The following ZNF652 variants were observed in gnomAD, a reference collection of about 807,000 sequenced individuals.
ZNF652 encodes zinc finger protein 652.
A neutral mutation model predicts 45.2 loss-of-function variants in ZNF652; 16 were observed. The ratio of observed to expected loss-of-function variants is 0.35; its 90% CI spans 0.24 to 0.54. The LOEUF (loss-of-function observed/expected upper bound fraction) is 0.54, where lower values mean the gene tolerates loss of function less well. Among genes scored for constraint, ZNF652 ranks in the 20% least tolerant of loss-of-function variants. The probability of loss-of-function intolerance (pLI) is 0.91; values close to 1 mark genes in which losing one functional copy is unlikely to be tolerated. For synonymous variants in ZNF652, 250 were observed against 260.6 expected (o/e 0.96, Z 0.39); for missense variants, 614 against 765.6 (o/e 0.80, Z 2.34).
intron 2 of ZNF652, among the ~76,000 whole-genome samples, chr17:49,316,609 GT>G (rs2069807926): frequency 6.6e-6 from 1 of 152,184 alleles, no homozygotes; most frequent in Non-Finnish European, 1.5e-5. Flanking sequence ...CCCCCTTCCA[GT>G]GTGCCTGGGT....
At chr17:49,323,989 G>GCC (rs113056652) in intron 1 of ZNF652, among the ~76,000 whole-genome samples, 215 of 152,270 alleles carry the variant, frequency 1.4e-3, no homozygotes, top group African/African-American at 5.0e-3. Flanking sequence ...AGCTACATTA[G>GCC]CCCCTAGCAA....
At chr17:49,336,025 CT>C (rs57525059) in intron 1 of ZNF652, among the ~76,000 whole-genome samples, 85 of 146,538 alleles carry the variant, frequency 5.8e-4, no homozygotes, top group Non-Finnish European at 5.7e-4. Context: ...GTTACCTTTA[CT>C]TTTTTTTTTT....
At chr17:49,338,315 T>C (rs577820006) in intron 1 of ZNF652, among the ~76,000 whole-genome samples, 1 of 152,232 alleles carries the variant, frequency 6.6e-6, no homozygotes, top group South Asian at 2.1e-4. Context: ...AGCATAAGAA[T>C]GAGAACCAAC....
At chr17:49,347,996 T>C (rs2070224780) in intron 1 of ZNF652, among the ~76,000 whole-genome samples, 1 of 152,036 alleles carries the variant, frequency 6.6e-6, no homozygotes, top group Admixed American at 6.6e-5. Flanking sequence ...TCCACCCGCC[T>C]TGGCCTCCCA....
Position 49,311,394 on chromosome 17 carries a change from C to T in ZNF652, c.1227G>A (p.Gly409=). The T allele has an allele frequency of 6.2e-7, 1 of 1,614,154 alleles. No individual in the cohort carries two copies. The highest frequency in any genetic ancestry group is 8.5e-7 in the Non-Finnish European group (1 of 1,180,016). ...ACCACTGGCACATGAACTGTTTGTG[C>T]CCAATATGAATGCTCATGTGGGAGC... The part of the protein sequence containing the change: ...QLRSHMSIHI[G]HKQFMCQWCG... Residue 409 remains glycine, a synonymous_variant, in exon 5 of 6, where the codon GGG becomes GGA. Transcript: ENST00000430262.
At chr17:49,362,324 C>T (rs1235980804), upstream of ZNF652, 1 of 151,578 alleles carries the variant, frequency 6.6e-6, no homozygotes, top group Non-Finnish European at 1.5e-5. Flanking sequence ...AACGGGGATC[C>T]CGACACCTCC....
intron 2 of ZNF652, among the ~76,000 whole-genome samples, chr17:49,313,972 TCAAAAAAAAAAAAAA>T (rs2069757009): frequency 1.3e-4 from 1 of 7,886 alleles, no homozygotes; most frequent in Non-Finnish European, 2.2e-4. Context: ...AAACTCCATC[TCAAAAAAAAAAAAAA>T]AAAAAAAAAA....
At chr17:49,306,250 G>A (rs1567916145) in intron 5 of ZNF652, among the ~76,000 whole-genome samples, 2 of 152,150 alleles carry the variant, frequency 1.3e-5, no homozygotes, top group Non-Finnish European at 2.9e-5. Flanking sequence ...GTCAAACACT[G>A]TAATGGAAAG....
In ZNF652 at chr17:49,296,335, A is replaced by T. The variant is rs1428439439; in HGVS notation, c.*2078T>A. 3 of 152,646 alleles carry T rather than the reference A, an allele frequency of 2.0e-5. No homozygotes were observed. Among genetic ancestry groups the T allele is most frequent in the Non-Finnish European group, 4.4e-5 (3 of 68,038 alleles). 9.5% of individuals were successfully genotyped at this position (152,646 alleles called of 1,614,324 possible). On this transcript the variant is annotated 3_prime_UTR_variant, in exon 6 of 6. Transcript: ENST00000430262. ...ATATAAGACAGGCAAAATCAGAAGG[A>T]GAAAATTTAGAAACACTAAACCAAA...
Position 49,317,017 on chromosome 17 carries a change from C to G in ZNF652, c.709G>C (p.Ala237Pro). 3.7e-6 allele frequency: 6 copies of G among 1,614,166 alleles called. No individual in the cohort carries two copies. The highest frequency in any genetic ancestry group is 5.1e-6 in the Non-Finnish European group (6 of 1,180,036). The change falls in exon 2 of 6, where the codon GCT becomes CCT. Residue 237 changes from alanine to proline, a missense_variant. Transcript: ENST00000430262. ...TKEPKAPVQKAKCEEKETLTC... is the reference protein window; with the variant it reads ...TKEPKAPVQKPKCEEKETLTC... The stretch of plus-strand genomic sequence containing the variant: ...AGAGTCTCTTTCTCTTCACACTTAG[C>G]TTTCTGGACTGGTGCTTTGGGCTCC...
rs924808621 is a variant in ZNF652 at position 49,349,292 on chromosome 17, G to A, written c.-259+12617C>T. On this transcript the variant is annotated intron_variant, in intron 1 of 5. Transcript: ENST00000430262. ...CAAAAATTTGCCAGGCCAGCTATTC[G>A]GGAGGCTGAGACAGCAGAATTGCTT... Among the ~76,000 whole-genome samples the A allele has an allele frequency of 5.3e-5, 8 of 152,096 alleles. No homozygotes were observed. In the South Asian group the frequency reaches 6.2e-4, roughly 12 times the overall value.
chr17:49,345,001 G>A (rs11652146), intron 1 of ZNF652, among the ~76,000 whole-genome samples: 101,761 of 151,974 alleles, frequency 0.67, 34,301 homozygotes, highest in Non-Finnish European at 0.7. Flanking sequence ...TTCTTGCCAA[G>A]TAATTATTAG....
intron 1 of ZNF652, among the ~76,000 whole-genome samples, chr17:49,323,621 A>C (rs2069922480): frequency 6.6e-6 from 1 of 152,188 alleles, no homozygotes; most frequent in Non-Finnish European, 1.5e-5. Context: ...TCAATTTCTT[A>C]AATAATAAGA....
chr17:49,300,985 A>C (rs986565771), intron 5 of ZNF652, among the ~76,000 whole-genome samples: 1 of 152,224 alleles, frequency 6.6e-6, no homozygotes, highest in African/African-American at 2.4e-5. Context: ...TATAAACCAC[A>C]GTATTTCACA....
chr17:49,345,419 C>T (rs1211720136), intron 1 of ZNF652, among the ~76,000 whole-genome samples: 3 of 151,086 alleles, frequency 2.0e-5, no homozygotes, highest in Non-Finnish European at 3.0e-5. Flanking sequence ...GCCAGCTAGT[C>T]GAGAAATCCT....
At chr17:49,312,667 A>G in intron 3 of ZNF652, 31 bp downstream of exon 3, 1 of 1,603,444 alleles carries the variant, frequency 6.2e-7, no homozygotes, top group Non-Finnish European at 8.5e-7. Context: ...AGGGAAAATT[A>G]TAGGTATAAG....
At chr17:49,312,092 C>A in intron 3 of ZNF652, 50 bp from the exon 4 acceptor site, 2 of 1,386,744 alleles carry the variant, frequency 1.4e-6, no homozygotes, top group South Asian at 1.3e-5. Context: ...CCAAAAAGCT[C>A]AAACTAAAAA....
chr17:49,312,638 T>C (rs2069732319), intron 3 of ZNF652, 60 bp downstream of exon 3: 1 of 1,569,482 alleles, frequency 6.4e-7, no homozygotes, highest in African/African-American at 1.4e-5. Flanking sequence ...ATCCAGGGCA[T>C]AAAGCACACA....
intron 1 of ZNF652, among the ~76,000 whole-genome samples, chr17:49,348,692 A>G (rs575801138): frequency 6.6e-6 from 1 of 152,264 alleles, no homozygotes. Flanking sequence ...CTGAATACTT[A>G]ATGATGCTCA....
Sources: gnomAD v4.1 joint callset for allele counts (sites outside exome capture counted in the v4.1 genomes callset) on GRCh38, gnomAD v4.1.1 for gene constraint, MANE v1.5 for transcripts, NCBI Gene and HGNC (gene_info 2026-07-23, HGNC 2026-07-21) for gene names.